CPO: variants seen among roughly 807,000 people sequenced by gnomAD.
The protein encoded by CPO is metallocarboxypeptidase C.
CPO carries 43 observed loss-of-function variants against 41.2 expected under a neutral mutation model. The observed-to-expected ratio is 1.04, with a 90% CI of 0.82 to 1.35. The LOEUF is 1.35. CPO is among the 40% of genes most tolerant of loss of function. The pLI is 0.00. For synonymous variants in CPO, 178 were observed against 162.7 expected (o/e 1.09, Z -0.72); for missense variants, 408 against 451.7 (o/e 0.90, Z 0.88).
intron 7 of CPO, among the ~76,000 whole-genome samples, chr2:206,967,438 T>A (rs527321452): frequency 8.6e-5 from 13 of 151,540 alleles, no homozygotes; most frequent in Non-Finnish European, 1.6e-4. Context: ...GAGAGAGGAA[T>A]GAAGAAACAG....
intron 7 of CPO, among the ~76,000 whole-genome samples, chr2:206,967,363 A>ATATC: frequency 7.4e-6 from 1 of 136,050 alleles, no homozygotes; most frequent in African/African-American, 2.6e-5. Context: ...ATATATAGAT[A>ATATC]TAGATATAGA....
At position 206,965,045 on chromosome 2, in the gene CPO, G is replaced by A. The variant is rs184570940; in HGVS notation, c.777+2431G>A. On this transcript the variant is annotated intron_variant, in intron 7 of 8. Transcript: ENST00000272852. ...GAGGCTAGAAGGAGCAAGACAGCAG[G>A]AGGGACCTGAGGCAATGGCACCATC... Among the ~76,000 whole-genome samples the A allele has an allele frequency of 1.4e-3, 219 of 152,272 alleles. 5 individuals are homozygous for A. The highest frequency in any genetic ancestry group is 0.014 in the Admixed American group (216 of 15,290).
chr2:206,940,219 T>C (rs1297191321), intron 1 of CPO, among the ~76,000 whole-genome samples: 1 of 152,174 alleles, frequency 6.6e-6, no homozygotes, highest in Non-Finnish European at 1.5e-5. Flanking sequence ...CAATTCCTGC[T>C]TTTTCATTTT....
intron 7 of CPO, among the ~76,000 whole-genome samples, chr2:206,963,130 G>A (rs374991012): frequency 2.7e-5 from 4 of 149,812 alleles, no homozygotes; most frequent in South Asian, 2.1e-4. Context: ...AAGTGCCAGC[G>A]AAATGCAAGC....
intron 3 of CPO, 43 bp downstream of exon 3, chr2:206,955,607 C>A: frequency 9.7e-7 from 1 of 1,033,012 alleles, no homozygotes; most frequent in Non-Finnish European, 1.5e-6. Context: ...GAGAATTATC[C>A]AGGAGGATAT....
intron 3 of CPO, among the ~76,000 whole-genome samples, chr2:206,958,067 G>A (rs1028824548): frequency 6.6e-6 from 1 of 152,144 alleles, no homozygotes; most frequent in Non-Finnish European, 1.5e-5. Context: ...GGGTACTATG[G>A]GGAGCCAGTG....
At chr2:206,944,124 C>A (rs1320054787) in intron 1 of CPO, among the ~76,000 whole-genome samples, 1 of 151,932 alleles carries the variant, frequency 6.6e-6, no homozygotes, top group Non-Finnish European at 1.5e-5. Flanking sequence ...AGAATATATA[C>A]CCACTGGGTG....
chr2:206,954,456 C>A (rs1006310343), intron 2 of CPO, among the ~76,000 whole-genome samples: 9 of 152,156 alleles, frequency 5.9e-5, no homozygotes, highest in African/African-American at 2.2e-4. Flanking sequence ...CCATCTGAGA[C>A]CAGCTTAGCC....
intron 3 of CPO, 107 bp from the exon 4 acceptor site, chr2:206,958,194 T>C (rs767937135): frequency 3.5e-6 from 2 of 576,490 alleles, no homozygotes; most frequent in African/African-American, 4.0e-5. Context: ...AACCACAGAG[T>C]GGAGTGAAAA....
intron 7 of CPO, among the ~76,000 whole-genome samples, chr2:206,967,146 A>T (rs62196053): frequency 0.13 from 20,138 of 151,950 alleles, 1,477 homozygotes; most frequent in Middle Eastern, 0.26. Context: ...CAGGTAGAAC[A>T]CACATGTTTA....
chr2:206,958,164 C>T, intron 3 of CPO, 137 bp from the exon 4 acceptor site: 4 of 560,270 alleles, frequency 7.1e-6, no homozygotes, highest in Admixed American at 2.9e-5. Context: ...GTCTCATTAG[C>T]ATCCTTGCCT....
chr2:206,947,273 A>G (rs1693163206), intron 1 of CPO, among the ~76,000 whole-genome samples: 1 of 152,206 alleles, frequency 6.6e-6, no homozygotes, highest in Non-Finnish European at 1.5e-5. Flanking sequence ...ACCTACATAA[A>G]TATAGTCAAA....
intron 1 of CPO, among the ~76,000 whole-genome samples, chr2:206,940,661 AGT>A (rs550569905): frequency 2.6e-5 from 4 of 151,958 alleles, no homozygotes; most frequent in Admixed American, 6.6e-5. Context: ...TTCCATATAA[AGT>A]GTGTTTTTCC....
At chr2:206,967,352 G>GATAT (rs1289145502) in intron 7 of CPO, among the ~76,000 whole-genome samples, 2 of 118,438 alleles carry the variant, frequency 1.7e-5, no homozygotes, top group African/African-American at 6.7e-5. Flanking sequence ...TATATATATA[G>GATAT]ATATATAGAT....
intron 2 of CPO, among the ~76,000 whole-genome samples, chr2:206,950,225 G>T (rs1291267309): frequency 2.0e-5 from 3 of 152,122 alleles, no homozygotes; most frequent in African/African-American, 7.2e-5. Flanking sequence ...AATCTACAAA[G>T]AACTCAAACA....
At chr2:206,952,862 T>A (rs1452554898) in intron 2 of CPO, among the ~76,000 whole-genome samples, 1 of 152,164 alleles carries the variant, frequency 6.6e-6, no homozygotes, top group African/African-American at 2.4e-5. Context: ...TGGGGAGGCC[T>A]CAAAATCATG....
At chr2:206,956,711 A>C (rs1420520432) in intron 3 of CPO, among the ~76,000 whole-genome samples, 2 of 152,132 alleles carry the variant, frequency 1.3e-5, no homozygotes, top group Non-Finnish European at 2.9e-5. Context: ...ACCACTACTA[A>C]AGTAGTATGG....
chr2:206,967,684 G>A (rs569878892), intron 7 of CPO, among the ~76,000 whole-genome samples: 1 of 152,272 alleles, frequency 6.6e-6, no homozygotes, highest in African/African-American at 2.4e-5. Context: ...ATCTAGGAGG[G>A]ATGACAAAAT....
chr2:206,943,710 AGATAGATG>A (rs1375877000), intron 1 of CPO, among the ~76,000 whole-genome samples: 32 of 75,858 alleles, frequency 4.2e-4, no homozygotes, highest in South Asian at 1.6e-3. Context: ...ATAGATAGAT[AGATAGATG>A]ATGGATAGAT....
Sources: allele counts gnomAD v4.1 joint callset (sites outside exome capture counted in the v4.1 genomes callset), GRCh38; gene constraint gnomAD v4.1.1; transcripts MANE v1.5; gene names NCBI Gene and HGNC (gene_info 2026-07-23, HGNC 2026-07-21).